The following INTS6 variants were observed in gnomAD, a reference collection of about 807,000 sequenced individuals.
INTS6 encodes the protein DEAD box protein.
A neutral mutation model predicts 104.9 loss-of-function variants in INTS6; 16 were observed. The ratio of observed to expected loss-of-function variants is 0.15; its 90% CI spans 0.10 to 0.23. The LOEUF (loss-of-function observed/expected upper bound fraction) is 0.23. Among genes scored for constraint, INTS6 ranks in the 10% least tolerant of loss-of-function variants. The pLI, the probability that INTS6 is intolerant of heterozygous loss-of-function variation, is 1.00. For missense variants in INTS6, 584 were observed against 1,062.8 expected, an observed-to-expected ratio of 0.55 and a Z score of 6.26; for synonymous variants, 324 against 358.7, an observed-to-expected ratio of 0.90 and a Z score of 1.09.
chr13:51,445,790 G>A (rs540132877), intron 3 of INTS6: 65 of 152,286 alleles, frequency 4.3e-4, no homozygotes, highest in African/African-American at 3.6e-4. Context: ...AAATTATTGA[G>A]GCTCAAAAGT....
chr13:51,451,884 G>A, intron 2 of INTS6, 94 bp downstream of exon 2: 1 of 760,474 alleles, frequency 1.3e-6, no homozygotes, highest in Non-Finnish European at 2.2e-6. Context: ...TGGGGGAGGG[G>A]AGCATAATGA....
chr13:51,415,889 C>T (rs951262947), intron 4 of INTS6, among the ~76,000 whole-genome samples: 3 of 152,156 alleles, frequency 2.0e-5, no homozygotes, highest in East Asian at 1.9e-4. Context: ...TAAAACTAAA[C>T]CAGTAACACT....
intron 4 of INTS6, among the ~76,000 whole-genome samples, chr13:51,403,489 G>A (rs989119508): frequency 1.4e-4 from 20 of 147,246 alleles, no homozygotes; most frequent in African/African-American, 5.0e-4. Context: ...GGCTGAGGCA[G>A]AAGAATCGCT....
At chr13:51,359,363 T>C (rs1159349550), downstream of INTS6, among the ~76,000 whole-genome samples, 1 of 152,134 alleles carries the variant, frequency 6.6e-6, no homozygotes, top group Non-Finnish European at 1.5e-5. Context: ...GTTGGTCTTT[T>C]GAAATGTCAA....
chr13:51,382,629 T>C (rs1394255615), intron 9 of INTS6, among the ~76,000 whole-genome samples: 1 of 152,318 alleles, frequency 6.6e-6, no homozygotes, highest in Admixed American at 6.5e-5. Flanking sequence ...AATTAAAGTG[T>C]AGATAAATTC....
intron 3 of INTS6, chr13:51,438,985 A>G (rs2138132813): frequency 6.6e-6 from 1 of 152,298 alleles, no homozygotes; most frequent in Admixed American, 6.5e-5. Context: ...CTGTTATTAG[A>G]TATTTCCAGT....
At chr13:51,336,562 T>C in the INTS6 span, among the ~76,000 whole-genome samples, 1 of 152,350 alleles carries the variant, frequency 6.6e-6, no homozygotes, top group African/African-American at 2.4e-5. Context: ...GCCGGTTACA[T>C]GACGATTCCA....
chr13:51,443,031 A>C (rs1440129278), intron 3 of INTS6: 1 of 152,232 alleles, frequency 6.6e-6, no homozygotes, highest in East Asian at 1.9e-4. Flanking sequence ...GAAAGAAATC[A>C]TACTGCATTA....
chr13:51,376,229 A>ATTACAG (rs1955928126), intron 12 of INTS6, 55 bp from the exon 13 acceptor site: 3 of 1,450,374 alleles, frequency 2.1e-6, no homozygotes, highest in Admixed American at 4.1e-5. Flanking sequence ...ATTACAAGAG[A>ATTACAG]CTAAAATCTC....
At position 51,430,286 on chromosome 13, in the gene INTS6, C is replaced by A. The variant is rs192568723; in HGVS notation, c.429+8G>T. ...TTGCATAATCCATGTAATATAAGCA[C>A]AACTTACCTCATCCTGGACTCCACT... On this transcript the variant is annotated splice_region_variant and intron_variant, in intron 4 of 17. Coordinates refer to ENST00000311234, the MANE Select transcript of INTS6 (RefSeq NM_012141.3). The A allele has an allele frequency of 5.3e-5, 85 of 1,611,112 alleles. 1 individual carries two copies. In the African/African-American group the frequency reaches 9.6e-4, roughly 18 times the overall value.
At position 51,407,718 on chromosome 13, in the gene INTS6, C is replaced by T. The variant is rs536320251; in HGVS notation, c.430-12235G>A. On this transcript the variant is annotated intron_variant, in intron 4 of 17. Transcript: ENST00000311234. ...ACTACAAAACTAAGTTCCAAATAGA[C>T]GCATACATACACCATAAGAGTGTTT... is the stretch of plus-strand genomic sequence containing the variant. Among the ~76,000 whole-genome samples, 12 of 152,132 alleles carry T rather than the reference C, an allele frequency of 7.9e-5. 1 individual carries two copies. Among genetic ancestry groups the T allele is most frequent in the Admixed American group, 3.9e-4 (6 of 15,272 alleles).
At position 51,395,495 on chromosome 13, in the gene INTS6, G is replaced by A; in HGVS notation, c.430-12C>T. 6.2e-7 allele frequency: 1 copy of A among 1,600,720 alleles called. No individual in the cohort carries two copies. The highest frequency in any genetic ancestry group is 8.5e-7 in the Non-Finnish European group (1 of 1,174,958). The stretch of plus-strand genomic sequence containing the variant: ...AGAGGTAAATGAAGCTGAAAGTAGG[G>A]GGGAAAAACAGTAATAAGAATTCCA... On this transcript the variant is annotated splice_polypyrimidine_tract_variant and intron_variant, in intron 4 of 17. Transcript: ENST00000311234.
chr13:51,443,125 T>A (rs1952828207), intron 3 of INTS6: 1 of 152,180 alleles, frequency 6.6e-6, no homozygotes, highest in Non-Finnish European at 1.5e-5. Context: ...AATATACAAA[T>A]CCTTAATAAA....
At chr13:51,426,319 G>A (rs940933797) in intron 4 of INTS6, among the ~76,000 whole-genome samples, 3 of 152,014 alleles carry the variant, frequency 2.0e-5, no homozygotes, top group Non-Finnish European at 4.4e-5. Context: ...GCCAGGTCAA[G>A]AGACAATATG....
chr13:51,429,561 C>T (rs578201280), intron 4 of INTS6, among the ~76,000 whole-genome samples: 2 of 151,466 alleles, frequency 1.3e-5, no homozygotes, highest in African/African-American at 4.8e-5. Flanking sequence ...GTCAGGAGTT[C>T]GAGACCAACC....
At chr13:51,418,665 T>C (rs961549323) in intron 4 of INTS6, among the ~76,000 whole-genome samples, 6 of 152,184 alleles carry the variant, frequency 3.9e-5, no homozygotes, top group African/African-American at 1.4e-4. Flanking sequence ...GAATTTTTGA[T>C]TAAAAAATCA....
At chr13:51,397,832 CAT>C (rs988320086) in intron 4 of INTS6, among the ~76,000 whole-genome samples, 7 of 152,036 alleles carry the variant, frequency 4.6e-5, no homozygotes, top group Admixed American at 6.5e-5. Context: ...CACACACACA[CAT>C]GCACACACAC....
chr13:51,344,586 C>A, the INTS6 span: 1 of 874,818 alleles, frequency 1.1e-6, no homozygotes, highest in South Asian at 1.5e-5. Flanking sequence ...AGGCCACCTT[C>A]AATTACAGCA....
Position 51,383,625 on chromosome 13 carries a change from A to G in INTS6, c.1011T>C (p.Phe337=), listed in dbSNP as rs1566214484. ...YELEPSPLTQ[F]ILERKSPQTC... ...TTTGAGGAGATTTCCTTTCCAGGAT[A>G]AATTGAGTCAGTGGTGAAGGTTCCA... The change falls in exon 8 of 18, where the codon TTT becomes TTC. Residue 337 remains phenylalanine (F), a synonymous_variant. Transcript: ENST00000311234. The G allele has an allele frequency of 1.2e-6, 2 of 1,614,034 alleles. No individual in the cohort carries two copies. The highest frequency in any genetic ancestry group is 1.7e-6 in the Non-Finnish European group (2 of 1,179,938).
Sources: allele counts gnomAD v4.1 joint callset (sites outside exome capture counted in the v4.1 genomes callset), GRCh38; gene constraint gnomAD v4.1.1; transcripts MANE v1.5; gene names NCBI Gene and HGNC (gene_info 2026-07-23, HGNC 2026-07-21).